SERINC5: variants seen among roughly 807,000 people sequenced by gnomAD.
The protein encoded by SERINC5 is serine incorporator 5, also known as chromosome 5 open reading frame 12.
A neutral mutation model predicts 63.1 loss-of-function variants in SERINC5; 41 were observed. The ratio of observed to expected loss-of-function variants is 0.65; its 90% CI spans 0.51 to 0.84. SERINC5 has a LOEUF of 0.84. Among genes scored for constraint, SERINC5 ranks in the 40% least tolerant of loss-of-function variants. The probability of loss-of-function intolerance (pLI) is 0.00; values close to 1 mark genes in which losing one functional copy is unlikely to be tolerated. For synonymous variants in SERINC5, 222 were observed against 215.2 expected, an observed-to-expected ratio of 1.03 and a Z score of -0.28; for missense variants, 523 against 573.0, an observed-to-expected ratio of 0.91 and a Z score of 0.89.
rs1311796341 is a variant in SERINC5, at chr5:80,140,498, T to C, written c.*3165A>G. On this transcript the variant is annotated 3_prime_UTR_variant, in exon 12 of 12. Transcript: ENST00000507668. ...CCCCACAACCCACCCCCACTCTATC[T>C]CCCCTTCAAAGAGGCTCCAAATACC... 295 of 796,986 alleles carry C rather than the reference T, an allele frequency of 3.7e-4. No individual in the cohort carries two copies. The highest frequency in any genetic ancestry group is 4.2e-4 in the Non-Finnish European group (283 of 666,994). 49.4% of individuals were successfully genotyped at this position (796,986 alleles called of 1,614,324 possible).
intron 1 of SERINC5, among the ~76,000 whole-genome samples, chr5:80,219,600 G>C (rs914163039): frequency 6.6e-6 from 1 of 152,072 alleles, no homozygotes; most frequent in African/African-American, 2.4e-5. Flanking sequence ...TCATTCCAAG[G>C]CAAGCTGGCA....
intron 2 of SERINC5, among the ~76,000 whole-genome samples, chr5:80,198,265 C>T (rs1025489417): frequency 6.6e-6 from 1 of 152,106 alleles, no homozygotes; most frequent in African/African-American, 2.4e-5. Context: ...GGGAAATGCT[C>T]CAAGAGAAGA....
intron 1 of SERINC5, among the ~76,000 whole-genome samples, chr5:80,245,052 C>A (rs1752110937): frequency 6.6e-6 from 1 of 152,204 alleles, no homozygotes; most frequent in Non-Finnish European, 1.5e-5. Flanking sequence ...CTCCACACCT[C>A]TCCCCACCCT....
intron 1 of SERINC5, among the ~76,000 whole-genome samples, chr5:80,244,813 C>T (rs1752101202): frequency 2.6e-5 from 4 of 152,092 alleles, no homozygotes; most frequent in Non-Finnish European, 1.5e-5. Flanking sequence ...CAAAGCGAGA[C>T]TCCGTCTCAA....
Position 80,255,952 on chromosome 5 carries a change from C to G in SERINC5, c.-30G>C. 6.6e-7 allele frequency: 1 copy of G among 1,525,412 alleles called. No homozygotes were observed. Among genetic ancestry groups the G allele is most frequent in the Non-Finnish European group, 8.7e-7 (1 of 1,145,128 alleles). The allele number at this position is 1,525,412 out of a possible 1,614,324, so 94.5% of individuals were successfully genotyped here. A position where few individuals can be genotyped will look rare whatever the true frequency, so the allele number is the denominator to read the frequency against. On this transcript the variant is annotated 5_prime_UTR_variant, in exon 1 of 12. Coordinates refer to ENST00000507668, the MANE Select transcript of SERINC5 (RefSeq NM_001174072.3). ...GCGGCCAATGCCGAAGGCGCGCTCG[C>G]TGGCTCCCCGCGCCGCACGGGCCCT...
intron 6 of SERINC5, 41 bp downstream of exon 6, chr5:80,169,294 G>A (rs967037531): frequency 9.6e-6 from 15 of 1,555,354 alleles, no homozygotes; most frequent in Non-Finnish European, 1.3e-5. Context: ...AAGACACTTA[G>A]GAAAATATAA....
At chr5:80,165,653 G>C (rs1387946496) in intron 7 of SERINC5, among the ~76,000 whole-genome samples, 4 of 152,106 alleles carry the variant, frequency 2.6e-5, no homozygotes, top group Admixed American at 2.6e-4. Flanking sequence ...GTGGTTTGAG[G>C]TCACATAGCC....
At chr5:80,154,442 G>T (rs1446276162) in intron 8 of SERINC5, among the ~76,000 whole-genome samples, 1 of 152,090 alleles carries the variant, frequency 6.6e-6, no homozygotes, top group Non-Finnish European at 1.5e-5. Context: ...CCCTCCCAAG[G>T]TGCTGGGATT....
intron 11 of SERINC5, among the ~76,000 whole-genome samples, chr5:80,132,755 G>A (rs750734998): frequency 2.6e-5 from 4 of 152,014 alleles, no homozygotes; most frequent in Admixed American, 6.6e-5. Context: ...GTGAGCCACC[G>A]TGCCTGGCCC....
At chr5:80,159,037 G>C in intron 7 of SERINC5, 75 bp from the exon 8 acceptor site, 1 of 1,503,350 alleles carries the variant, frequency 6.7e-7, no homozygotes, top group Non-Finnish European at 9.2e-7. Context: ...CTCATTTTGG[G>C]AAAATTCAGG....
At chr5:80,173,392 G>A (rs1051883588) in intron 5 of SERINC5, among the ~76,000 whole-genome samples, 3 of 152,018 alleles carry the variant, frequency 2.0e-5, no homozygotes, top group Non-Finnish European at 2.9e-5. Flanking sequence ...TCAGGAGATC[G>A]AGACCATCCT....
At chr5:80,146,804 C>T (rs1019030096) in intron 10 of SERINC5, among the ~76,000 whole-genome samples, 15 of 152,066 alleles carry the variant, frequency 9.9e-5, no homozygotes, top group African/African-American at 2.4e-4. Context: ...CCCTTAAAGA[C>T]GTAAAACTTA....
At chr5:80,146,305 C>G (rs1407647944) in intron 10 of SERINC5, 71 bp from the exon 11 acceptor site, 1 of 1,567,590 alleles carries the variant, frequency 6.4e-7, no homozygotes, top group East Asian at 2.2e-5. Context: ...AAGTCACGCT[C>G]GCTAATTCTA....
At chr5:80,218,233 G>C (rs1245690589) in intron 1 of SERINC5, among the ~76,000 whole-genome samples, 1 of 152,166 alleles carries the variant, frequency 6.6e-6, no homozygotes, top group African/African-American at 2.4e-5. Context: ...CATTAACCCT[G>C]GGGTGGCCAC....
At chr5:80,220,567 T>C (rs762596950) in intron 1 of SERINC5, among the ~76,000 whole-genome samples, 3 of 152,172 alleles carry the variant, frequency 2.0e-5, no homozygotes, top group Non-Finnish European at 4.4e-5. Context: ...TCTGGATCTT[T>C]CTCACCCCTC....
At chr5:80,154,893 T>C (rs1746422324) in intron 8 of SERINC5, among the ~76,000 whole-genome samples, 2 of 152,186 alleles carry the variant, frequency 1.3e-5, no homozygotes, top group African/African-American at 4.8e-5. Context: ...AATAATATAA[T>C]TACGCAAGTC....
intron 7 of SERINC5, 130 bp from the exon 8 acceptor site, chr5:80,159,092 A>C: frequency 1.2e-6 from 1 of 846,234 alleles, no homozygotes; most frequent in Admixed American, 2.2e-5. Flanking sequence ...TTATCACTGG[A>C]AACTTCTACT....
At chr5:80,244,103 G>C (rs1200839483) in intron 1 of SERINC5, among the ~76,000 whole-genome samples, 1 of 151,998 alleles carries the variant, frequency 6.6e-6, no homozygotes, top group Non-Finnish European at 1.5e-5. Flanking sequence ...CTTAATCTGT[G>C]CTTCCTTTTA....
chr5:80,176,731 C>T (rs929715056), intron 4 of SERINC5, among the ~76,000 whole-genome samples: 1 of 152,180 alleles, frequency 6.6e-6, no homozygotes, highest in Non-Finnish European at 1.5e-5. Flanking sequence ...GCTACCACGC[C>T]TGGCCTAAAT....
Sources: allele counts gnomAD v4.1 joint callset (sites outside exome capture counted in the v4.1 genomes callset), GRCh38; gene constraint gnomAD v4.1.1; transcripts MANE v1.5; gene names NCBI Gene and HGNC (gene_info 2026-07-23, HGNC 2026-07-21).